ENTREP2: variants seen among roughly 807,000 people sequenced by gnomAD.
The protein encoded by ENTREP2 is endosomal transmembrane epsin interactor 2.
At chr15:29,397,893 C>T in the ENTREP2 span, among the ~76,000 whole-genome samples, 451 of 152,030 alleles carry the variant, frequency 3.0e-3, 6 homozygotes, top group African/African-American at 0.01. Flanking sequence ...AAGGAACAGA[C>T]CAGTGGCTTT....
At chr15:29,606,550 T>C in the ENTREP2 span, among the ~76,000 whole-genome samples, 1 of 152,090 alleles carries the variant, frequency 6.6e-6, no homozygotes, top group Non-Finnish European at 1.5e-5. Flanking sequence ...TCAGTTTTTC[T>C]GGGTATAACA....
the ENTREP2 span, among the ~76,000 whole-genome samples, chr15:29,664,361 C>T: frequency 3.9e-5 from 6 of 152,140 alleles, no homozygotes; most frequent in Non-Finnish European, 7.3e-5. Flanking sequence ...TGCTGTTTCC[C>T]AATGGGTCTG....
the ENTREP2 span, among the ~76,000 whole-genome samples, chr15:29,467,431 TA>T: frequency 3.3e-5 from 5 of 152,134 alleles, no homozygotes; most frequent in African/African-American, 1.2e-4. Flanking sequence ...CTTCAGAAAC[TA>T]AATGGCTAGA....
the ENTREP2 span, among the ~76,000 whole-genome samples, chr15:29,655,338 GCAA>G: frequency 1.3e-5 from 2 of 152,280 alleles, no homozygotes; most frequent in East Asian, 1.9e-4. Flanking sequence ...AGTCACCATA[GCAA>G]CAACAGAACC....
chr15:29,182,328 T>A, the ENTREP2 span, among the ~76,000 whole-genome samples: 4 of 151,932 alleles, frequency 2.6e-5, no homozygotes, highest in African/African-American at 7.3e-5. Flanking sequence ...GGTTTCACCG[T>A]GTTAGCCAGG....
chr15:29,400,000 G>A, the ENTREP2 span, among the ~76,000 whole-genome samples: 7 of 152,134 alleles, frequency 4.6e-5, no homozygotes, highest in African/African-American at 1.4e-4. Flanking sequence ...GACCTATGCT[G>A]TTTAAACGCA....
the ENTREP2 span, among the ~76,000 whole-genome samples, chr15:29,579,894 TACAG>T: frequency 1.3e-5 from 2 of 151,844 alleles, no homozygotes; most frequent in African/African-American, 4.8e-5. Context: ...GTATTTTTAG[TACAG>T]ACAGAGTTTC....
chr15:29,646,698 C>G, the ENTREP2 span, among the ~76,000 whole-genome samples: 1 of 152,152 alleles, frequency 6.6e-6, no homozygotes, highest in Non-Finnish European at 1.5e-5. Context: ...TGCAAAATCC[C>G]TTGTTGGCAG....
the ENTREP2 span, among the ~76,000 whole-genome samples, chr15:29,354,660 A>G: frequency 1.3e-5 from 2 of 152,110 alleles, no homozygotes; most frequent in African/African-American, 4.8e-5. Context: ...GTCTCTATGA[A>G]ACACGCACAA....
At chr15:29,306,295 G>C in the ENTREP2 span, among the ~76,000 whole-genome samples, 5 of 152,314 alleles carry the variant, frequency 3.3e-5, no homozygotes, top group African/African-American at 7.2e-5. Context: ...GGATCCTTGG[G>C]GGGGATGAGG....
the ENTREP2 span, among the ~76,000 whole-genome samples, chr15:29,625,860 CTTTT>C: frequency 1.3e-5 from 2 of 151,304 alleles, no homozygotes; most frequent in African/African-American, 4.9e-5. Context: ...TTTTTCTTTT[CTTTT>C]TTATTTTATT....
chr15:29,255,883 A>C, the ENTREP2 span, among the ~76,000 whole-genome samples: 1 of 151,692 alleles, frequency 6.6e-6, no homozygotes, highest in Non-Finnish European at 1.5e-5. Flanking sequence ...CGCCTGTAGT[A>C]CCAGCTACTC....
At chr15:29,581,697 TC>T in the ENTREP2 span, among the ~76,000 whole-genome samples, 4 of 150,808 alleles carry the variant, frequency 2.7e-5, no homozygotes, top group African/African-American at 9.7e-5. Flanking sequence ...CCTATCAAAA[TC>T]CCAGCAAGTT....
the ENTREP2 span, among the ~76,000 whole-genome samples, chr15:29,441,680 A>G: frequency 1.3e-5 from 2 of 152,076 alleles, no homozygotes; most frequent in African/African-American, 4.8e-5. Context: ...CAGAAATTAC[A>G]CAAGTATTTA....
At chr15:29,195,440 A>T in the ENTREP2 span, 3 of 404,896 alleles carry the variant, frequency 7.4e-6, no homozygotes, top group African/African-American at 2.2e-5. Context: ...CCCTACACAC[A>T]TGCTAGAACC....
chr15:29,252,569 A>T, the ENTREP2 span: 1 of 669,082 alleles, frequency 1.5e-6, no homozygotes, highest in Non-Finnish European at 2.6e-6. Context: ...CATTTATTAT[A>T]CAACAGTTGA....
At chr15:29,489,849 T>G in the ENTREP2 span, among the ~76,000 whole-genome samples, 1 of 152,328 alleles carries the variant, frequency 6.6e-6, no homozygotes, top group East Asian at 1.9e-4. Context: ...TTCTTCCAAC[T>G]AGGCTGTGCT....
chr15:29,576,719 A>T, the ENTREP2 span, among the ~76,000 whole-genome samples: 3 of 152,254 alleles, frequency 2.0e-5, no homozygotes, highest in African/African-American at 7.2e-5. Context: ...ACCTGAAAAG[A>T]TGCTCATCAC....
the ENTREP2 span, among the ~76,000 whole-genome samples, chr15:29,387,726 A>G: frequency 0.015 from 2,345 of 152,298 alleles, 57 homozygotes; most frequent in African/African-American, 0.053. Flanking sequence ...ACTATACTAC[A>G]AGGCTACAGT....
Sources: allele counts gnomAD v4.1 joint callset (sites outside exome capture counted in the v4.1 genomes callset), GRCh38; gene constraint gnomAD v4.1.1; transcripts MANE v1.5; gene names NCBI Gene and HGNC (gene_info 2026-07-23, HGNC 2026-07-21).